THADA: variants seen among roughly 807,000 people sequenced by gnomAD.
THADA encodes THADA armadillo repeat containing.
THADA carries 213 observed loss-of-function variants against 219.8 expected under a neutral mutation model. The observed-to-expected ratio is 0.97, with a 90% confidence interval of 0.87 to 1.09. The LOEUF (loss-of-function observed/expected upper bound fraction) is 1.09, where lower values mean the gene tolerates loss of function less well. THADA is among the 50% of genes least tolerant of loss of function. The pLI is 0.00. For missense variants in THADA, 2,956 were observed against 2,311.3 expected, an observed-to-expected ratio of 1.28 and a Z score of -5.72; for synonymous variants, 1,018 against 828.9, an observed-to-expected ratio of 1.23 and a Z score of -3.92.
chr2:43,583,797 CT>C, intron 7 of THADA, among the ~76,000 whole-genome samples: 1 of 152,206 alleles, frequency 6.6e-6, no homozygotes, highest in East Asian at 1.9e-4. Flanking sequence ...AATCCCAGCA[CT>C]TTGGGGGACT....
intron 25 of THADA, among the ~76,000 whole-genome samples, chr2:43,489,017 T>C (rs543898060): frequency 7.2e-5 from 11 of 152,338 alleles, no homozygotes; most frequent in Admixed American, 6.5e-4. Context: ...TCGTTTATTA[T>C]TGAGTTATAA....
intron 36 of THADA, among the ~76,000 whole-genome samples, chr2:43,252,940 T>C (rs1385168766): frequency 6.6e-6 from 1 of 152,210 alleles, no homozygotes; most frequent in Non-Finnish European, 1.5e-5. Flanking sequence ...TGATCCTCTA[T>C]ATAAACTGTT....
chr2:43,434,306 T>G (rs539165635), intron 26 of THADA, among the ~76,000 whole-genome samples: 2 of 152,308 alleles, frequency 1.3e-5, no homozygotes, highest in African/African-American at 4.8e-5. Context: ...CCCACTGATA[T>G]GAGAAGAGGG....
chr2:43,344,341 C>G (rs953944184), intron 29 of THADA, 104 bp from the exon 30 acceptor site: 1 of 722,310 alleles, frequency 1.4e-6, no homozygotes, highest in South Asian at 1.9e-5. Flanking sequence ...TCAAAGAAAA[C>G]AGACACCTGC....
intron 29 of THADA, among the ~76,000 whole-genome samples, chr2:43,356,081 A>G (rs1668843313): frequency 6.6e-6 from 1 of 152,172 alleles, no homozygotes. Flanking sequence ...AAGGGCTATA[A>G]GAGAAATAGA....
In THADA at chr2:43,279,888, C is replaced by G. The variant is rs760164939; in HGVS notation, c.5173G>C (p.Asp1725His). 6.5e-7 allele frequency: 1 copy of G among 1,536,470 alleles called. No individual in the cohort carries two copies. The highest frequency in any genetic ancestry group is 1.4e-5 in the African/African-American group (1 of 71,478). Residue 1725 changes from aspartate to histidine, a missense_variant, in exon 36 of 38, where the codon GAT becomes CAT. Asp to His is a moderately conservative substitution (Grantham distance 81). Transcript: ENST00000405975. ...TNPHPILELQDTLALWKCVLT... is the reference protein window; with the variant it reads ...TNPHPILELQHTLALWKCVLT... ...ACACACTTCCAGAGAGCAAGTGTATCCTGCAACTCTAAGAAGACCAAAAGG... is the reference window on the plus strand; with the variant it reads ...ACACACTTCCAGAGAGCAAGTGTATGCTGCAACTCTAAGAAGACCAAAAGG...
chr2:43,538,760 A>G (rs1035992727), intron 21 of THADA, among the ~76,000 whole-genome samples: 5 of 152,200 alleles, frequency 3.3e-5, no homozygotes, highest in African/African-American at 7.2e-5. Flanking sequence ...CTCTTGTCCA[A>G]GAGAGCTGGA....
At position 43,463,995 on chromosome 2, in the gene THADA, T is replaced by A. The variant is rs112253588; in HGVS notation, c.3836+21239A>T. Among the ~76,000 whole-genome samples, 38 of 152,326 alleles carry A rather than the reference T, an allele frequency of 2.5e-4. 1 individual carries two copies. Among genetic ancestry groups the A allele is most frequent in the African/African-American group, 8.9e-4 (37 of 41,568 alleles). On this transcript the variant is annotated intron_variant, in intron 26 of 37. Transcript: ENST00000405975. ...TTTATTACTAATACATTCTACTATG[T>A]AAGATCATTTACAACAATATTATAA...
chr2:43,405,285 A>T (rs1356587168), intron 28 of THADA, among the ~76,000 whole-genome samples: 1 of 152,210 alleles, frequency 6.6e-6, no homozygotes, highest in Non-Finnish European at 1.5e-5. Context: ...AGGAAAACAT[A>T]TATGTGTGGG....
chr2:43,514,860 T>C (rs1354727326), intron 22 of THADA, among the ~76,000 whole-genome samples: 3 of 82,624 alleles, frequency 3.6e-5, no homozygotes, highest in Non-Finnish European at 6.1e-5. Flanking sequence ...ATATGTACAA[T>C]ATATATTTTA....
chr2:43,408,719 T>G (rs1487616225), intron 28 of THADA, among the ~76,000 whole-genome samples: 1 of 152,178 alleles, frequency 6.6e-6, no homozygotes. Flanking sequence ...ATCTCCAAAG[T>G]CCCCTTCAAA....
chr2:43,344,196 T>C lies in THADA; in HGVS notation c.4269A>G (p.Gly1423=), dbSNP rs749421646. ...LLQAYSDSKH[G]TNSDFQHELT... ...GCTCGTGCTGGAAGTCTGAATTCGT[T>C]CCGTGTTTGGAGTCTGAGTAGGCTT... The change falls in exon 30 of 38, where the codon GGA becomes GGG. Residue 1423 remains glycine, a synonymous_variant. Coordinates refer to ENST00000405975, the MANE Select transcript of THADA (RefSeq NM_022065.5). 8 of 1,612,756 alleles carry C rather than the reference T, an allele frequency of 5.0e-6. No homozygotes were observed. The South Asian group carries it at 8.8e-5, about 18-fold the overall frequency.
At chr2:43,328,436 C>T (rs545756366) in intron 30 of THADA, among the ~76,000 whole-genome samples, 1 of 152,332 alleles carries the variant, frequency 6.6e-6, no homozygotes, top group South Asian at 2.1e-4. Flanking sequence ...AGTGTTTATA[C>T]TCACAGCCAT....
At chr2:43,354,989 C>T (rs573982150) in intron 29 of THADA, among the ~76,000 whole-genome samples, 16 of 152,218 alleles carry the variant, frequency 1.1e-4, no homozygotes, top group African/African-American at 3.1e-4. Context: ...CTTCCTTTTC[C>T]GCCATGATTG....
chr2:43,352,012 G>T (rs1295961551), intron 29 of THADA, among the ~76,000 whole-genome samples: 1 of 152,144 alleles, frequency 6.6e-6, no homozygotes, highest in Non-Finnish European at 1.5e-5. Flanking sequence ...TGCATATGAA[G>T]AATTTAAAAT....
At chr2:43,387,871 T>G (rs890374745) in intron 29 of THADA, among the ~76,000 whole-genome samples, 3 of 152,244 alleles carry the variant, frequency 2.0e-5, no homozygotes, top group Non-Finnish European at 4.4e-5. Context: ...AAGAATGTCA[T>G]GAACAACAAT....
intron 36 of THADA, among the ~76,000 whole-genome samples, chr2:43,235,318 A>G (rs1419857164): frequency 6.7e-6 from 1 of 149,656 alleles, no homozygotes; most frequent in African/African-American, 2.5e-5. Flanking sequence ...CTTGAGACAG[A>G]GTTTCGCTCT....
At chr2:43,463,084 T>G (rs1461854552) in intron 26 of THADA, 1 of 152,236 alleles carries the variant, frequency 6.6e-6, no homozygotes, top group Non-Finnish European at 1.5e-5. Flanking sequence ...CTTGCTTCTC[T>G]GGGGTGAACA....
At chr2:43,466,833 C>G (rs1684295724) in intron 26 of THADA, among the ~76,000 whole-genome samples, 1 of 152,146 alleles carries the variant, frequency 6.6e-6, no homozygotes. Flanking sequence ...TTCTTATCTT[C>G]AGCAGGATAA....
Sources: allele counts gnomAD v4.1 joint callset (sites outside exome capture counted in the v4.1 genomes callset), GRCh38; gene constraint gnomAD v4.1.1; transcripts MANE v1.5; gene names NCBI Gene and HGNC (gene_info 2026-07-23, HGNC 2026-07-21).